RPS6KA6: variants seen among roughly 807,000 people sequenced by gnomAD.
RPS6KA6 encodes ribosomal protein S6 kinase A6, also known as ribosomal protein S6 kinase alpha-6.
RPS6KA6 carries 27 observed loss-of-function variants against 65.4 expected under a neutral mutation model. That is an observed-to-expected ratio of 0.41 (90% CI 0.30 to 0.57). RPS6KA6 has a LOEUF of 0.57. Among genes scored for constraint, RPS6KA6 ranks in the 20% least tolerant of loss-of-function variants. RPS6KA6 has a pLI of 0.24. For synonymous variants in RPS6KA6, 190 were observed against 184.2 expected (o/e 1.03, Z -0.26); for missense variants, 486 against 555.6 (o/e 0.87, Z 1.26).
intron 12 of RPS6KA6, 21 bp downstream of exon 12, chrX:84,116,208 C>G: frequency 9.7e-7 from 1 of 1,031,132 alleles, no homozygotes; most frequent in Non-Finnish European, 1.3e-6. Context: ...TATTCAATAA[C>G]AAGCTTTCTA....
chrX:84,179,854 T>C (rs2035825038), intron 1 of RPS6KA6, among the ~76,000 whole-genome samples: 2 of 112,197 alleles, frequency 1.8e-5, no homozygotes, highest in South Asian at 7.4e-4. Flanking sequence ...CCATTAAGTT[T>C]GAAATGTAAT....
intron 20 of RPS6KA6, among the ~76,000 whole-genome samples, chrX:84,066,432 G>A (rs188324224): frequency 9.2e-6 from 1 of 109,127 alleles, no homozygotes; most frequent in Non-Finnish European, 1.9e-5. Flanking sequence ...CGGCGGGGGC[G>A]GGGGGGTGTC....
At position 84,062,396 on chromosome X, in the gene RPS6KA6, T is replaced by C. The variant is rs1256600615; in HGVS notation, c.*1881A>G. 2.7e-5 allele frequency: 3 copies of C among 110,996 alleles called. No individual in the cohort carries two copies. Among genetic ancestry groups the C allele is most frequent in the Non-Finnish European group, 3.8e-5 (2 of 52,876 alleles). 9.1% of individuals were successfully genotyped at this position (110,996 alleles called of 1,213,427 possible). A position where few individuals can be genotyped will look rare whatever the true frequency, so the allele number is the denominator to read the frequency against. ...TCTGAGTTTGACTTATCGATTCTGATAGGAAGGCATAACAGCACTAGATAA... is the reference window on the plus strand; with the variant it reads ...TCTGAGTTTGACTTATCGATTCTGACAGGAAGGCATAACAGCACTAGATAA... On this transcript the variant is annotated 3_prime_UTR_variant, in exon 22 of 22. Coordinates refer to ENST00000262752, the MANE Select transcript of RPS6KA6 (RefSeq NM_014496.5).
intron 19 of RPS6KA6, among the ~76,000 whole-genome samples, chrX:84,097,274 T>G (rs2034176588): frequency 9.0e-6 from 1 of 111,413 alleles, no homozygotes; most frequent in Non-Finnish European, 1.9e-5. Flanking sequence ...ATAGTCCAAT[T>G]GTTATTACAT....
intron 6 of RPS6KA6, among the ~76,000 whole-genome samples, chrX:84,136,763 C>G (rs1186652651): frequency 9.0e-6 from 1 of 111,314 alleles, no homozygotes; most frequent in Non-Finnish European, 1.9e-5. Context: ...AATTATGTGC[C>G]AGGCACTGTA....
intron 11 of RPS6KA6, among the ~76,000 whole-genome samples, chrX:84,116,545 T>G (rs2034569367): frequency 9.0e-6 from 1 of 111,213 alleles, no homozygotes; most frequent in African/African-American, 3.3e-5. Flanking sequence ...TACTTAAACT[T>G]AAATACATAT....
At chrX:84,145,686 C>T in intron 5 of RPS6KA6, 129 bp from the exon 6 acceptor site, 1 of 378,571 alleles carries the variant, frequency 2.6e-6, no homozygotes, top group Non-Finnish European at 4.5e-6. Flanking sequence ...GATAACATCT[C>T]AAAATTAAAC....
At chrX:84,110,470 T>C (rs2034448833) in intron 12 of RPS6KA6, among the ~76,000 whole-genome samples, 1 of 112,216 alleles carries the variant, frequency 8.9e-6, no homozygotes, top group East Asian at 2.8e-4. Flanking sequence ...TGAAACAACA[T>C]AGAGCACCAC....
At chrX:84,112,361 G>A (rs1352638666) in intron 12 of RPS6KA6, among the ~76,000 whole-genome samples, 2 of 111,873 alleles carry the variant, frequency 1.8e-5, no homozygotes, top group East Asian at 5.6e-4. Context: ...AACAACTACA[G>A]CATATACATT....
rs1338908159 is a variant in RPS6KA6 at position 84,122,459 on chromosome X, T to C, written c.647-2432A>G. Reference sequence around the variant, plus strand: ...GATTCTCCTGCCTCAGCCTCCTGAGTAGCTAGGATTACAGGCGCCCGCCAC... The same window carrying C: ...GATTCTCCTGCCTCAGCCTCCTGAGCAGCTAGGATTACAGGCGCCCGCCAC... On this transcript the variant is annotated intron_variant, in intron 8 of 21. Coordinates refer to ENST00000262752, the MANE Select transcript of RPS6KA6 (RefSeq NM_014496.5). 3.1e-5 allele frequency among the ~76,000 whole-genome samples: 3 copies of C among 95,958 alleles called. No homozygotes were observed. In the East Asian group the frequency reaches 1.1e-3, roughly 34 times the overall value. 83.3% of individuals were successfully genotyped at this position (95,958 alleles called of 115,157 possible).
At chrX:84,157,090 A>C (rs767197156) in intron 2 of RPS6KA6, among the ~76,000 whole-genome samples, 1 of 112,195 alleles carries the variant, frequency 8.9e-6, no homozygotes, top group Admixed American at 9.4e-5. Flanking sequence ...TTCTCAATCT[A>C]TTCACTCTTC....
At chrX:84,164,143 C>A (rs1325808172) in intron 2 of RPS6KA6, among the ~76,000 whole-genome samples, 185 bp downstream of exon 2, 2 of 112,097 alleles carry the variant, frequency 1.8e-5, no homozygotes, top group Non-Finnish European at 1.9e-5. Flanking sequence ...AAAATGCATG[C>A]ATAAGTATTT....
At chrX:84,078,459 A>C (rs2033708089) in intron 20 of RPS6KA6, among the ~76,000 whole-genome samples, 1 of 111,808 alleles carries the variant, frequency 8.9e-6, no homozygotes, top group Non-Finnish European at 1.9e-5. Context: ...ACAAAAAAAA[A>C]AGATATACAC....
At chrX:84,080,516 C>T (rs1430990987) in intron 20 of RPS6KA6, among the ~76,000 whole-genome samples, 2 of 91,205 alleles carry the variant, frequency 2.2e-5, no homozygotes, top group African/African-American at 8.0e-5. Flanking sequence ...ACTTAGACTC[C>T]CACACAATAA....
At chrX:84,114,028 C>T (rs2034519445) in intron 12 of RPS6KA6, among the ~76,000 whole-genome samples, 1 of 111,632 alleles carries the variant, frequency 9.0e-6, no homozygotes, top group Admixed American at 9.5e-5. Flanking sequence ...TTAACAATCT[C>T]ATTAACAACA....
rs1192729930 is a variant in RPS6KA6 at position 84,119,887 on chromosome X, T to A, written c.787A>T (p.Met263Leu). ...TTAAAACAAATAATGCTACTTACCA[T>A]AAGAACACCATATGACCACCAATCA... ...SADWWSYGVLMFEMLTGTLPF... is the reference protein window; with the variant it reads ...SADWWSYGVLLFEMLTGTLPF... The change falls in exon 9 of 22, where the codon ATG (methionine) becomes TTG (leucine). Residue 263 changes from methionine to leucine, a missense_variant and splice_region_variant. Met to Leu is a conservative substitution (Grantham distance 15). This residue lies in a region of RPS6KA6 where 345 missense variants were observed against 375.0 expected (regional missense o/e 0.92). Transcript: ENST00000262752. 8.6e-7 allele frequency: 1 copy of A among 1,169,245 alleles called. No homozygotes were observed. Among genetic ancestry groups the A allele is most frequent in the African/African-American group, 1.8e-5 (1 of 55,588 alleles).
chrX:84,174,653 T>A (rs781112827), intron 1 of RPS6KA6, among the ~76,000 whole-genome samples: 2 of 112,055 alleles, frequency 1.8e-5, no homozygotes, highest in African/African-American at 6.5e-5. Context: ...TGCTTTTGAA[T>A]GTCAACTCAT....
At chrX:84,081,305 A>T (rs183389235) in intron 20 of RPS6KA6, among the ~76,000 whole-genome samples, 1 of 112,181 alleles carries the variant, frequency 8.9e-6, no homozygotes, top group East Asian at 2.8e-4. Context: ...GATCTCACAG[A>T]AATACAAACA....
At chrX:84,188,426 G>A (rs1477259879), upstream of RPS6KA6, among the ~76,000 whole-genome samples, 1 of 110,524 alleles carries the variant, frequency 9.0e-6, no homozygotes, top group Admixed American at 9.5e-5. Context: ...AGGGGAGGGG[G>A]GCGTGCTGGG....
Sources: allele counts gnomAD v4.1 joint callset (sites outside exome capture counted in the v4.1 genomes callset), GRCh38; gene constraint gnomAD v4.1.1; regional missense constraint gnomAD v4.1.1; transcripts MANE v1.5; gene names NCBI Gene and HGNC (gene_info 2026-07-23, HGNC 2026-07-21).